The following SGCZ variants were observed in gnomAD, a reference collection of about 807,000 sequenced individuals.
SGCZ encodes zeta-sarcoglycan.
A neutral mutation model predicts 41.3 loss-of-function variants in SGCZ; 40 were observed. That is an observed-to-expected ratio of 0.97 (90% confidence interval 0.75 to 1.26). The LOEUF (loss-of-function observed/expected upper bound fraction) is 1.26, where lower values mean the gene tolerates loss of function less well. Among genes scored for constraint, SGCZ ranks in the 50% most tolerant of loss-of-function variants. The pLI is 0.00. For synonymous variants in SGCZ, 206 were observed against 137.5 expected, an observed-to-expected ratio of 1.50 and a Z score of -3.49; for missense variants, 552 against 369.8, an observed-to-expected ratio of 1.49 and a Z score of -4.04.
Position 14,410,581 on chromosome 8 carries a change from G to A in SGCZ, c.235-86377C>T, listed in dbSNP as rs1400671803. 2.0e-5 allele frequency among the ~76,000 whole-genome samples: 3 copies of A among 151,876 alleles called. No homozygotes were observed. The East Asian group carries it at 5.8e-4, about 29-fold the overall frequency. On this transcript the variant is annotated intron_variant, in intron 2 of 7. Coordinates refer to ENST00000382080, the MANE Select transcript of SGCZ (RefSeq NM_139167.4). ...GAAGTTCTACACATGGACACAGGGA[G>A]GGGAACATCACATACTGGGGCCTGT...
intron 1 of SGCZ, among the ~76,000 whole-genome samples, chr8:14,859,735 A>T (rs1243376411): frequency 1.3e-5 from 2 of 152,182 alleles, no homozygotes; most frequent in Non-Finnish European, 2.9e-5. Context: ...TTATAAATTC[A>T]TGAAATAATA....
At chr8:14,106,969 C>G (rs1219280966) in intron 6 of SGCZ, among the ~76,000 whole-genome samples, 4 of 152,162 alleles carry the variant, frequency 2.6e-5, no homozygotes, top group Non-Finnish European at 5.9e-5. Flanking sequence ...GTAATCCCAG[C>G]ACTTTGGGAG....
chr8:14,277,824 A>T (rs1309296604), intron 3 of SGCZ, among the ~76,000 whole-genome samples: 2 of 152,166 alleles, frequency 1.3e-5, no homozygotes, highest in Non-Finnish European at 2.9e-5. Context: ...TCTTTCCCAA[A>T]GAAAGGTAAT....
At chr8:15,054,294 T>C (rs958479909) in intron 1 of SGCZ, among the ~76,000 whole-genome samples, 6 of 152,360 alleles carry the variant, frequency 3.9e-5, no homozygotes, top group African/African-American at 1.2e-4. Flanking sequence ...TTAATTCATA[T>C]GAGTCAGTTC....
intron 1 of SGCZ, among the ~76,000 whole-genome samples, chr8:15,128,415 G>T (rs753200227): frequency 6.6e-6 from 1 of 152,168 alleles, no homozygotes; most frequent in East Asian, 1.9e-4. Flanking sequence ...CCACTGCTGG[G>T]GATAAATATT....
chr8:15,208,912 G>C (rs1308285160), intron 1 of SGCZ, among the ~76,000 whole-genome samples: 5 of 149,820 alleles, frequency 3.3e-5, no homozygotes, highest in African/African-American at 1.2e-4. Context: ...TAGAGAGAGA[G>C]AGAGAGAGAG....
intron 1 of SGCZ, among the ~76,000 whole-genome samples, chr8:14,855,062 T>C (rs528494648): frequency 4.6e-5 from 7 of 151,762 alleles, no homozygotes; most frequent in African/African-American, 1.7e-4. Context: ...TTTATTTATT[T>C]ATTTATTTAG....
In SGCZ at chr8:15,112,826, A is replaced by T. The variant is rs535617419; in HGVS notation, c.39+124759T>A. 3.3e-5 allele frequency among the ~76,000 whole-genome samples: 5 copies of T among 152,332 alleles called. No homozygotes were observed. The South Asian group carries it at 1.0e-3, about 32-fold the overall frequency. ...CCAGTTGATGCTGTGTGGAGCAGGA[A>T]TGAGCTGTCTCTGGCAAGTTCTGTC... On this transcript the variant is annotated intron_variant, in intron 1 of 7. Transcript: ENST00000382080.
chr8:14,884,925 CCT>C (rs1379366296), intron 1 of SGCZ, among the ~76,000 whole-genome samples: 1 of 151,888 alleles, frequency 6.6e-6, no homozygotes, highest in Non-Finnish European at 1.5e-5. Context: ...GTGTGTGTCC[CCT>C]CTCTCTCAGC....
chr8:14,495,412 G>A (rs1447993474), intron 2 of SGCZ, among the ~76,000 whole-genome samples: 3 of 152,114 alleles, frequency 2.0e-5, no homozygotes, highest in Non-Finnish European at 4.4e-5. Context: ...GCAGTTTACG[G>A]ACCAAACACT....
At chr8:14,102,095 TATATATATAA>T (rs1563127106) in intron 7 of SGCZ, among the ~76,000 whole-genome samples, 5 of 97,700 alleles carry the variant, frequency 5.1e-5, no homozygotes, top group Non-Finnish European at 7.8e-5. Context: ...TATATATATA[TATATATATAA>T]TTTTTTTTTT....
intron 1 of SGCZ, among the ~76,000 whole-genome samples, chr8:14,983,547 G>T (rs1801738265): frequency 6.6e-6 from 1 of 151,704 alleles, no homozygotes; most frequent in Admixed American, 6.6e-5. Flanking sequence ...GTTTTGCTAA[G>T]TTGCCCAGGC....
chr8:14,872,850 G>A (rs1487951884), intron 1 of SGCZ, among the ~76,000 whole-genome samples: 2 of 152,048 alleles, frequency 1.3e-5, no homozygotes, highest in Non-Finnish European at 2.9e-5. Flanking sequence ...CTTAACCATA[G>A]TAGATTCTCA....
At chr8:14,917,395 G>C (rs1799466963) in intron 1 of SGCZ, among the ~76,000 whole-genome samples, 1 of 152,032 alleles carries the variant, frequency 6.6e-6, no homozygotes. Flanking sequence ...GAAATTTATT[G>C]TGGGATCCTG....
chr8:14,962,968 A>G (rs1376545673), intron 1 of SGCZ, among the ~76,000 whole-genome samples: 3 of 152,196 alleles, frequency 2.0e-5, no homozygotes, highest in Non-Finnish European at 4.4e-5. Flanking sequence ...AGGTCTCCTC[A>G]GGGTTTACTT....
At chr8:14,277,584 T>C (rs1427874823) in intron 3 of SGCZ, among the ~76,000 whole-genome samples, 1 of 152,164 alleles carries the variant, frequency 6.6e-6, no homozygotes, top group African/African-American at 2.4e-5. Context: ...TAAAAGTTAT[T>C]AAATTGCTAG....
intron 3 of SGCZ, among the ~76,000 whole-genome samples, chr8:14,246,700 G>T (rs1488388995): frequency 1.3e-5 from 2 of 151,866 alleles, no homozygotes; most frequent in Non-Finnish European, 2.9e-5. Flanking sequence ...GGGGTCAGGA[G>T]ATCAAGACCA....
At chr8:15,148,968 G>A (rs570083882) in intron 1 of SGCZ, among the ~76,000 whole-genome samples, 16 of 152,246 alleles carry the variant, frequency 1.1e-4, no homozygotes, top group African/African-American at 2.9e-4. Context: ...AAGCAAACAC[G>A]TATCACAGAT....
intron 1 of SGCZ, among the ~76,000 whole-genome samples, chr8:14,595,204 A>G (rs1395899952): frequency 3.3e-5 from 5 of 152,190 alleles, no homozygotes; most frequent in Non-Finnish European, 5.9e-5. Context: ...ACTGTCATCC[A>G]CTACTCTTTA....
Sources: gnomAD v4.1 joint callset for allele counts (sites outside exome capture counted in the v4.1 genomes callset) on GRCh38, gnomAD v4.1.1 for gene constraint, MANE v1.5 for transcripts, NCBI Gene and HGNC (gene_info 2026-07-23, HGNC 2026-07-21) for gene names.